FAM178B: variants seen among roughly 807,000 people sequenced by gnomAD.
FAM178B encodes family with sequence similarity 178 member B.
A neutral mutation model predicts 91.7 loss-of-function variants in FAM178B; 82 were observed. That is an observed-to-expected ratio of 0.89 (90% CI 0.75 to 1.07). FAM178B has a LOEUF of 1.07. Ranked by LOEUF, FAM178B falls within the 50% of genes least tolerant of loss-of-function variation. The pLI, the probability that FAM178B is intolerant of heterozygous loss-of-function variation, is 0.00. For missense variants in FAM178B, 769 were observed against 846.7 expected (o/e 0.91, Z 1.14); for synonymous variants, 368 against 359.4 (o/e 1.02, Z -0.27).
intron 14 of FAM178B, among the ~76,000 whole-genome samples, chr2:96,878,833 T>C (rs2080309479): frequency 6.6e-6 from 1 of 152,186 alleles, no homozygotes; most frequent in South Asian, 2.1e-4. Context: ...ACGCACCTTC[T>C]GGGGAGAGGG....
chr2:96,878,912 A>C (rs2080312201), intron 14 of FAM178B, among the ~76,000 whole-genome samples: 1 of 152,128 alleles, frequency 6.6e-6, no homozygotes, highest in South Asian at 2.1e-4. Flanking sequence ...CTGCCTGGAC[A>C]GTCGCCTTGC....
At chr2:96,888,544 G>A (rs749563811) in intron 14 of FAM178B, among the ~76,000 whole-genome samples, 1 of 152,134 alleles carries the variant, frequency 6.6e-6, no homozygotes, top group South Asian at 2.1e-4. Flanking sequence ...AGAGGGCAGC[G>A]GCCCCCTCCC....
intron 14 of FAM178B, among the ~76,000 whole-genome samples, chr2:96,890,975 CTTTGT>C (rs1290598149): frequency 6.6e-6 from 1 of 152,216 alleles, no homozygotes. Context: ...AGCGGCTCAG[CTTTGT>C]TTTCTTTATC....
At chr2:96,902,085 C>T (rs1462536469) in intron 13 of FAM178B, among the ~76,000 whole-genome samples, 1 of 151,590 alleles carries the variant, frequency 6.6e-6, no homozygotes, top group Non-Finnish European at 1.5e-5. Flanking sequence ...TAGGTGTGAG[C>T]TACCACACCC....
intron 14 of FAM178B, among the ~76,000 whole-genome samples, chr2:96,881,409 C>T (rs1332768982): frequency 6.6e-6 from 1 of 152,036 alleles, no homozygotes. Context: ...GGGGAAGGCA[C>T]CCTGGGCTGT....
At chr2:96,895,031 C>T (rs1358589215) in intron 13 of FAM178B, 2 of 1,285,572 alleles carry the variant, frequency 1.6e-6, no homozygotes, top group African/African-American at 3.0e-5. Context: ...TGAAGAGAGA[C>T]CATGGACTAA....
At chr2:96,931,716 C>A (rs547965079) in intron 8 of FAM178B, among the ~76,000 whole-genome samples, 1 of 152,234 alleles carries the variant, frequency 6.6e-6, no homozygotes, top group East Asian at 1.9e-4. Flanking sequence ...GGCAGGATGG[C>A]GGGCAGAGGG....
At chr2:96,900,357 C>T (rs1408976647) in intron 13 of FAM178B, among the ~76,000 whole-genome samples, 1 of 151,984 alleles carries the variant, frequency 6.6e-6, no homozygotes, top group Non-Finnish European at 1.5e-5. Context: ...AGCTGGGGCA[C>T]GTTCTCCCCA....
At chr2:96,928,889 C>T (rs918005122) in intron 9 of FAM178B, among the ~76,000 whole-genome samples, 1 of 152,118 alleles carries the variant, frequency 6.6e-6, no homozygotes, top group Non-Finnish European at 1.5e-5. Context: ...GTGGCTCATA[C>T]CTGTAATCTC....
At chr2:96,970,899 T>C in intron 3 of FAM178B, 122 bp from the exon 4 acceptor site, 1 of 758,282 alleles carries the variant, frequency 1.3e-6, no homozygotes, top group Non-Finnish European at 2.2e-6. Flanking sequence ...AGATACTATG[T>C]TTACAGGATT....
chr2:96,986,333 T>A lies in FAM178B; in HGVS notation c.-20A>T. On this transcript the variant is annotated 5_prime_UTR_variant, in exon 1 of 17. Coordinates refer to ENST00000490605, the MANE Select transcript of FAM178B (RefSeq NM_001122646.3). ...CCACATAGGGCGGGAAGGGCAGGGC[T>A]CCGGGGTGAGGGAGGGTGGCGGGAA... 2.0e-6 allele frequency: 3 copies of A among 1,531,650 alleles called. No individual in the cohort carries two copies. Among genetic ancestry groups the A allele is most frequent in the Non-Finnish European group, 8.7e-7 (1 of 1,145,940 alleles). 94.9% of individuals were successfully genotyped at this position (1,531,650 alleles called of 1,614,324 possible).
chr2:96,946,687 G>A (rs747757494), intron 8 of FAM178B, among the ~76,000 whole-genome samples: 32 of 152,260 alleles, frequency 2.1e-4, no homozygotes, highest in Non-Finnish European at 3.5e-4. Context: ...CTGCCTCAGC[G>A]GAGGAGACAC....
At chr2:96,939,179 G>C (rs888761294) in intron 8 of FAM178B, 1 of 151,754 alleles carries the variant, frequency 6.6e-6, no homozygotes, top group African/African-American at 2.4e-5. Context: ...CTCCAGCCTG[G>C]GCAACAGAGT....
rs77260843 is a variant in FAM178B, at chr2:96,918,977, C to T, written c.1562+2188G>A. Among the ~76,000 whole-genome samples, 286 of 152,346 alleles carry T rather than the reference C, an allele frequency of 1.9e-3. 1 individual carries two copies. The highest frequency in any genetic ancestry group is 6.5e-3 in the African/African-American group (270 of 41,566). ...TGCTCAATCGATCACGACCCTCTCA[C>T]GCGGGCTCTCTTAGAGTTGTAAGCC... On this transcript the variant is annotated intron_variant, in intron 12 of 16. Transcript: ENST00000490605.
chr2:96,891,752 T>G (rs994379691), intron 14 of FAM178B, among the ~76,000 whole-genome samples: 5 of 151,750 alleles, frequency 3.3e-5, no homozygotes, highest in African/African-American at 1.2e-4. Flanking sequence ...TGGGCAGAAG[T>G]GTTTATTTGC....
intron 4 of FAM178B, among the ~76,000 whole-genome samples, chr2:96,967,911 C>CTTGTTTTTTTTTTTT (rs2082165749): frequency 1.6e-5 from 1 of 62,418 alleles, no homozygotes; most frequent in African/African-American, 6.0e-5. Context: ...CCTGTTTGGT[C>CTTGTTTTTTTTTTTT]TTTTTTTTTT....
chr2:96,921,751 T>C, intron 10 of FAM178B, 97 bp from the exon 11 acceptor site: 3 of 1,271,642 alleles, frequency 2.4e-6, no homozygotes, highest in Non-Finnish European at 3.3e-6. Context: ...GCAGAAGGGA[T>C]GGTACTGTGA....
chr2:96,886,049 G>A (rs1043455938), intron 14 of FAM178B, among the ~76,000 whole-genome samples: 11 of 152,256 alleles, frequency 7.2e-5, no homozygotes, highest in African/African-American at 2.4e-4. Context: ...GTGTTGGCAC[G>A]TCTGGCCAGA....
At chr2:96,977,259 C>T (rs1458677349) in intron 1 of FAM178B, among the ~76,000 whole-genome samples, 2 of 146,526 alleles carry the variant, frequency 1.4e-5, no homozygotes, top group African/African-American at 5.1e-5. Context: ...GTGGCATGAG[C>T]CTGTAATCCC....
Sources: allele counts gnomAD v4.1 joint callset (sites outside exome capture counted in the v4.1 genomes callset), GRCh38; gene constraint gnomAD v4.1.1; transcripts MANE v1.5; gene names NCBI Gene and HGNC (gene_info 2026-07-23, HGNC 2026-07-21).